TLL2: variants seen among roughly 807,000 people sequenced by gnomAD.
TLL2 encodes tolloid-like protein 2.
Under a neutral mutation model 123.0 loss-of-function variants are expected in TLL2, and 106 were observed. That is an observed-to-expected ratio of 0.86 (90% CI 0.74 to 1.01). The LOEUF is 1.01. Among genes scored for constraint, TLL2 ranks in the 50% least tolerant of loss-of-function variants. TLL2 has a pLI of 0.00. For synonymous variants in TLL2, 494 were observed against 516.8 expected, an observed-to-expected ratio of 0.96 and a Z score of 0.60; for missense variants, 1,332 against 1,336.7, an observed-to-expected ratio of 1.00 and a Z score of 0.06.
At chr10:96,473,052 C>CCT (rs1455801971) in intron 2 of TLL2, among the ~76,000 whole-genome samples, 1 of 152,050 alleles carries the variant, frequency 6.6e-6, no homozygotes, top group African/African-American at 2.4e-5. Flanking sequence ...CCATCAGCCC[C>CCT]CCCCAATCAG....
At chr10:96,472,082 G>A (rs1015487184) in intron 2 of TLL2, among the ~76,000 whole-genome samples, 6 of 152,266 alleles carry the variant, frequency 3.9e-5, no homozygotes, top group Admixed American at 2.6e-4. Flanking sequence ...GAAAGACAGG[G>A]ATGTGTAAGA....
At chr10:96,482,925 G>A (rs1847324685) in intron 1 of TLL2, among the ~76,000 whole-genome samples, 1 of 152,196 alleles carries the variant, frequency 6.6e-6, no homozygotes, top group African/African-American at 2.4e-5. Flanking sequence ...TTCAGATAAA[G>A]AAAACTAAGA....
chr10:96,491,192 C>A (rs956641753), intron 1 of TLL2, among the ~76,000 whole-genome samples: 7 of 152,116 alleles, frequency 4.6e-5, no homozygotes, highest in South Asian at 2.1e-4. Flanking sequence ...ACCAGCCTGG[C>A]CAAAACGGTG....
intron 3 of TLL2, among the ~76,000 whole-genome samples, chr10:96,439,656 A>C (rs897794455): frequency 6.6e-6 from 1 of 151,674 alleles, no homozygotes; most frequent in Non-Finnish European, 1.5e-5. Flanking sequence ...AAAAGGTAAT[A>C]TTTTTTTCAG....
At chr10:96,419,561 C>T (rs949428637) in intron 7 of TLL2, among the ~76,000 whole-genome samples, 2 of 152,148 alleles carry the variant, frequency 1.3e-5, no homozygotes. Context: ...CTCAATTTCA[C>T]GCTACTCCCA....
chr10:96,442,498 G>A (rs1219920470), intron 3 of TLL2, among the ~76,000 whole-genome samples: 6 of 152,224 alleles, frequency 3.9e-5, no homozygotes. Flanking sequence ...ACCTCACTTC[G>A]AGATTTCCTT....
chr10:96,478,474 ACTCCT>A (rs1198470937), intron 2 of TLL2, among the ~76,000 whole-genome samples: 1 of 151,816 alleles, frequency 6.6e-6, no homozygotes, highest in Non-Finnish European at 1.5e-5. Context: ...CAGCACCCCC[ACTCCT>A]GGGCACAGGC....
chr10:96,477,198 C>T lies in TLL2; in HGVS notation c.286+3151G>A, dbSNP rs184064594. 5.9e-5 allele frequency among the ~76,000 whole-genome samples: 9 copies of T among 151,384 alleles called. No individual in the cohort carries two copies. The East Asian group carries it at 1.7e-3, about 29-fold the overall frequency. Reference sequence around the variant, plus strand: ...AATGATCAGGATAAAAATCACTTTGCCATAAAAACACACTAGAAAAAAAAA... The same window carrying T: ...AATGATCAGGATAAAAATCACTTTGTCATAAAAACACACTAGAAAAAAAAA... On this transcript the variant is annotated intron_variant, in intron 2 of 20. Transcript: ENST00000357947.
At chr10:96,387,852 A>C (rs1846252539) in intron 13 of TLL2, among the ~76,000 whole-genome samples, 1 of 152,224 alleles carries the variant, frequency 6.6e-6, no homozygotes, top group African/African-American at 2.4e-5. Context: ...GCGCCACTGA[A>C]AAAAAGAAAA....
intron 10 of TLL2, among the ~76,000 whole-genome samples, chr10:96,401,583 A>AAAAAC (rs201044804): frequency 6.6e-6 from 1 of 152,068 alleles, no homozygotes; most frequent in Non-Finnish European, 1.5e-5. Flanking sequence ...CCTCAAAACA[A>AAAAAC]AAAACAAAAC....
intron 2 of TLL2, among the ~76,000 whole-genome samples, chr10:96,476,240 A>ATATATATATATATATATATTCTT: frequency 9.8e-5 from 2 of 20,502 alleles, no homozygotes; most frequent in Non-Finnish European, 2.0e-4. Flanking sequence ...ATATATATAT[A>ATATATATATATATATATATTCTT]TTTTATTTTT....
intron 1 of TLL2, among the ~76,000 whole-genome samples, chr10:96,511,442 A>G (rs1235288357): frequency 2.6e-5 from 4 of 152,186 alleles, no homozygotes; most frequent in Non-Finnish European, 5.9e-5. Context: ...GGAGAGGCCA[A>G]TGAGTTGGGA....
chr10:96,499,325 C>T (rs1018322282), intron 1 of TLL2, among the ~76,000 whole-genome samples: 6 of 152,208 alleles, frequency 3.9e-5, no homozygotes, highest in African/African-American at 1.2e-4. Context: ...GTCAGAATTT[C>T]AGCCCGGGAT....
At chr10:96,420,810 C>G in intron 7 of TLL2, 146 bp downstream of exon 7, 2 of 686,764 alleles carry the variant, frequency 2.9e-6, no homozygotes, top group Non-Finnish European at 5.2e-6. Context: ...TTCACTGCAG[C>G]GCAGAGGCCA....
chr10:96,478,614 A>G (rs1003356230), intron 2 of TLL2, among the ~76,000 whole-genome samples: 9 of 152,228 alleles, frequency 5.9e-5, no homozygotes, highest in African/African-American at 2.2e-4. Flanking sequence ...CAAATAAACC[A>G]GAGTCCGTTC....
At chr10:96,493,580 G>A (rs1203715103) in intron 1 of TLL2, among the ~76,000 whole-genome samples, 1 of 152,112 alleles carries the variant, frequency 6.6e-6, no homozygotes, top group Non-Finnish European at 1.5e-5. Flanking sequence ...CAGGGGATCT[G>A]AGAGGCTCAG....
intron 3 of TLL2, among the ~76,000 whole-genome samples, chr10:96,442,011 C>T (rs533395126): frequency 6.6e-5 from 10 of 152,320 alleles, no homozygotes; most frequent in African/African-American, 2.4e-4. Context: ...TTCTGGAAAT[C>T]AGGCTCTATC....
At chr10:96,376,068 A>G (rs547010336) in intron 18 of TLL2, among the ~76,000 whole-genome samples, 2 of 152,354 alleles carry the variant, frequency 1.3e-5, no homozygotes, top group South Asian at 4.1e-4. Context: ...AGGCTTGGGG[A>G]AAATTTTTAA....
chr10:96,484,590 TACACACACACAC>T (rs56286214), intron 1 of TLL2, among the ~76,000 whole-genome samples: 38 of 146,022 alleles, frequency 2.6e-4, no homozygotes, highest in East Asian at 6.1e-4. Context: ...TACACATAAG[TACACACACACAC>T]ACACACACAC....
Sources: gnomAD v4.1 joint callset for allele counts (sites outside exome capture counted in the v4.1 genomes callset) on GRCh38, gnomAD v4.1.1 for gene constraint, MANE v1.5 for transcripts, NCBI Gene and HGNC (gene_info 2026-07-23, HGNC 2026-07-21) for gene names.